Variants in JAZF1 observed in about 807,000 individuals in gnomAD.
JAZF1 encodes the protein juxtaposed with another zinc finger protein 1.
A neutral mutation model predicts 26.4 loss-of-function variants in JAZF1; 8 were observed. That is an observed-to-expected ratio of 0.30 (90% CI 0.18 to 0.55). The LOEUF is 0.55. Among genes scored for constraint, JAZF1 ranks in the 20% least tolerant of loss-of-function variants. The pLI is 0.94. For missense variants in JAZF1, 199 were observed against 322.0 expected (o/e 0.62, Z 2.92); for synonymous variants, 126 against 122.3 (o/e 1.03, Z -0.20).
rs187688364 is a variant in JAZF1, at chr7:28,116,889, T to C, written c.115+63574A>G. 3.5e-3 allele frequency among the ~76,000 whole-genome samples: 530 copies of C among 152,250 alleles called. 3 individuals are homozygous for C. The highest frequency in any genetic ancestry group is 0.012 in the African/African-American group (502 of 41,534). On this transcript the variant is annotated intron_variant, in intron 1 of 4. Coordinates refer to ENST00000283928, the MANE Select transcript of JAZF1 (RefSeq NM_175061.4). ...CCCAAGCTGGAATGCAGTGGCGCGATCTCAGCTCACTGCAACCTCCGCCTC... is the reference window on the plus strand; with the variant it reads ...CCCAAGCTGGAATGCAGTGGCGCGACCTCAGCTCACTGCAACCTCCGCCTC...
chr7:27,985,722 A>C (rs1321746769), intron 2 of JAZF1, among the ~76,000 whole-genome samples: 1 of 152,298 alleles, frequency 6.6e-6, no homozygotes, highest in East Asian at 1.9e-4. Context: ...CTGGCAAACC[A>C]AATCCAGCAG....
chr7:28,101,858 T>G (rs544510900), intron 1 of JAZF1, among the ~76,000 whole-genome samples: 2 of 152,308 alleles, frequency 1.3e-5, no homozygotes, highest in South Asian at 4.1e-4. Context: ...TTTAACTGCT[T>G]GACGGAAATG....
At chr7:28,154,825 T>C (rs965741126) in intron 1 of JAZF1, among the ~76,000 whole-genome samples, 16 of 150,688 alleles carry the variant, frequency 1.1e-4, no homozygotes, top group African/African-American at 3.9e-4. Context: ...ATGCCTACAA[T>C]ATTGAAAAAA....
At chr7:27,957,474 T>C (rs1785117855) in intron 2 of JAZF1, among the ~76,000 whole-genome samples, 1 of 152,190 alleles carries the variant, frequency 6.6e-6, no homozygotes, top group African/African-American at 2.4e-5. Context: ...TGAAGCATTG[T>C]ACATTTCAAG....
chr7:27,931,124 C>G (rs1784683553), intron 2 of JAZF1, among the ~76,000 whole-genome samples: 1 of 152,160 alleles, frequency 6.6e-6, no homozygotes. Context: ...ACATGTAGAG[C>G]ATGGGTTAGC....
chr7:28,144,098 T>C (rs1446597150), intron 1 of JAZF1, among the ~76,000 whole-genome samples: 2 of 152,208 alleles, frequency 1.3e-5, no homozygotes, highest in East Asian at 3.8e-4. Context: ...TGTTTACAAA[T>C]TGCTTTATAA....
At position 28,037,194 on chromosome 7, in the gene JAZF1, T is replaced by C. The variant is rs114712393; in HGVS notation, c.116-45213A>G. On this transcript the variant is annotated intron_variant, in intron 1 of 4. Coordinates refer to ENST00000283928, the MANE Select transcript of JAZF1 (RefSeq NM_175061.4). ...TAGATGTACTCAAACACAATAAATA[T>C]TATGTTTTCTTGCAAATGTCCTCAG... Among the ~76,000 whole-genome samples, 848 of 152,332 alleles carry C rather than the reference T, an allele frequency of 5.6e-3. 10 individuals carry two copies. Among genetic ancestry groups the C allele is most frequent in the African/African-American group, 0.019 (802 of 41,578 alleles).
intron 1 of JAZF1, among the ~76,000 whole-genome samples, chr7:28,013,039 C>T (rs1782823615): frequency 6.6e-6 from 1 of 152,176 alleles, no homozygotes; most frequent in African/African-American, 2.4e-5. Context: ...TGGGCATTCT[C>T]TCCCACTAGC....
At chr7:28,049,096 T>C (rs1783549027) in intron 1 of JAZF1, among the ~76,000 whole-genome samples, 1 of 138,408 alleles carries the variant, frequency 7.2e-6, no homozygotes, top group Non-Finnish European at 1.6e-5. Flanking sequence ...TCTCTCTTTC[T>C]TTCTTTGACA....
intron 1 of JAZF1, among the ~76,000 whole-genome samples, chr7:28,124,498 G>A (rs1306797721): frequency 6.6e-6 from 1 of 152,166 alleles, no homozygotes; most frequent in Non-Finnish European, 1.5e-5. Flanking sequence ...TCTCCCCAGT[G>A]CCGTCCTTTC....
Position 28,057,861 on chromosome 7 carries a change from G to T in JAZF1, c.116-65880C>A, listed in dbSNP as rs555716287. Among the ~76,000 whole-genome samples, 9 of 152,270 alleles carry T rather than the reference G, an allele frequency of 5.9e-5. No homozygotes were observed. In the East Asian group the frequency reaches 1.3e-3, roughly 23 times the overall value. Reference sequence around the variant, plus strand: ...TTTTCCTTGATCAATCTTGGCAGAGGTTTGTCAACTCTATTCATCTTTTCA... The same window carrying T: ...TTTTCCTTGATCAATCTTGGCAGAGTTTTGTCAACTCTATTCATCTTTTCA... On this transcript the variant is annotated intron_variant, in intron 1 of 4. Transcript: ENST00000283928.
chr7:27,945,639 C>G (rs138305237), intron 2 of JAZF1, among the ~76,000 whole-genome samples: 1 of 152,336 alleles, frequency 6.6e-6, no homozygotes, highest in Middle Eastern at 3.4e-3. Flanking sequence ...TTCTCAGAAC[C>G]AGCTGCATCG....
intron 1 of JAZF1, among the ~76,000 whole-genome samples, chr7:28,043,424 T>A (rs935287735): frequency 1.3e-5 from 2 of 152,154 alleles, no homozygotes. Context: ...CCACCCACCT[T>A]ACGGCCCCAA....
intron 2 of JAZF1, among the ~76,000 whole-genome samples, chr7:27,900,269 C>T (rs1345965916): frequency 1.3e-5 from 2 of 152,144 alleles, no homozygotes; most frequent in African/African-American, 4.8e-5. Flanking sequence ...TTAAACACAG[C>T]CGTTATTAAA....
At chr7:28,137,955 T>C (rs1583580347) in intron 1 of JAZF1, among the ~76,000 whole-genome samples, 1 of 152,208 alleles carries the variant, frequency 6.6e-6, no homozygotes, top group East Asian at 1.9e-4. Context: ...GCAGGTTAAG[T>C]GCCTTGCCCC....
chr7:27,977,815 G>C (rs1473640596), intron 2 of JAZF1, among the ~76,000 whole-genome samples: 1 of 152,178 alleles, frequency 6.6e-6, no homozygotes, highest in Non-Finnish European at 1.5e-5. Context: ...TGTTCTGCCT[G>C]GACTCTAGCT....
At chr7:27,897,223 G>T (rs1784083501) in intron 2 of JAZF1, among the ~76,000 whole-genome samples, 1 of 152,154 alleles carries the variant, frequency 6.6e-6, no homozygotes, top group Non-Finnish European at 1.5e-5. Flanking sequence ...GTTCTCGAGG[G>T]TTAAGTAATT....
intron 1 of JAZF1, among the ~76,000 whole-genome samples, chr7:28,008,299 G>A (rs1036408184): frequency 5.3e-5 from 8 of 152,064 alleles, no homozygotes; most frequent in Non-Finnish European, 7.4e-5. Flanking sequence ...TCACTGCAAC[G>A]TCAATCTCCT....
intron 2 of JAZF1, among the ~76,000 whole-genome samples, chr7:27,989,911 T>C (rs1258682996): frequency 6.6e-6 from 1 of 152,206 alleles, no homozygotes; most frequent in South Asian, 2.1e-4. Context: ...AAATACCACT[T>C]GACCCAGCCA....
Sources: gnomAD v4.1 joint callset for allele counts (sites outside exome capture counted in the v4.1 genomes callset) on GRCh38, gnomAD v4.1.1 for gene constraint, MANE v1.5 for transcripts, NCBI Gene and HGNC (gene_info 2026-07-23, HGNC 2026-07-21) for gene names.